TSPAN5: variants seen among roughly 807,000 people sequenced by gnomAD.
TSPAN5 encodes the protein tetraspanin-5.
TSPAN5 carries 10 observed loss-of-function variants against 37.1 expected under a neutral mutation model. That is an observed-to-expected ratio of 0.27 (90% CI 0.17 to 0.46). TSPAN5 has a LOEUF of 0.46. TSPAN5 is among the 20% of genes least tolerant of loss of function. The pLI is 1.00. For missense variants in TSPAN5, 195 were observed against 326.6 expected (o/e 0.60, Z 3.11); for synonymous variants, 110 against 118.9 (o/e 0.93, Z 0.48).
intron 1 of TSPAN5, among the ~76,000 whole-genome samples, chr4:98,548,023 A>G (rs1754510266): frequency 7.3e-6 from 1 of 137,216 alleles, no homozygotes. Flanking sequence ...AAAAAAAAAA[A>G]AAAAGAAAAA....
chr4:98,603,632 A>T (rs1002474852), intron 1 of TSPAN5, among the ~76,000 whole-genome samples: 2 of 152,342 alleles, frequency 1.3e-5, no homozygotes, highest in Non-Finnish European at 1.5e-5. Flanking sequence ...TGGACAGAAC[A>T]GTTGTGGCCT....
At chr4:98,619,312 C>T (rs745397079) in intron 1 of TSPAN5, among the ~76,000 whole-genome samples, 5 of 152,162 alleles carry the variant, frequency 3.3e-5, no homozygotes, top group African/African-American at 4.8e-5. Flanking sequence ...TCTCAGACAT[C>T]TCGTGCAGTA....
At chr4:98,609,548 G>A (rs1756130805) in intron 1 of TSPAN5, among the ~76,000 whole-genome samples, 1 of 152,198 alleles carries the variant, frequency 6.6e-6, no homozygotes, top group South Asian at 2.1e-4. Context: ...CACAAGAGTG[G>A]AGCAGTGAAG....
rs965475412 is a variant in TSPAN5, at chr4:98,551,663, T to G, written c.82-43935A>C. ...GGTACCATCACGCCCAGCTAATTTTTTTTTTTTTTTGTATTTTTAGTAGAG... is the reference window on the plus strand; with the variant it reads ...GGTACCATCACGCCCAGCTAATTTTGTTTTTTTTTTGTATTTTTAGTAGAG... On this transcript the variant is annotated intron_variant, in intron 1 of 7. Transcript: ENST00000305798. 4.3e-3 allele frequency among the ~76,000 whole-genome samples: 644 copies of G among 151,164 alleles called. 5 individuals are homozygous for G. Among genetic ancestry groups the G allele is most frequent in the Middle Eastern group, 0.014 (4 of 294 alleles).
chr4:98,642,453 T>C (rs1756977450), intron 1 of TSPAN5, among the ~76,000 whole-genome samples: 1 of 152,226 alleles, frequency 6.6e-6, no homozygotes, highest in South Asian at 2.1e-4. Flanking sequence ...TATGTGTTAG[T>C]TTCTAAAATG....
chr4:98,479,669 CCCTT>C (rs1224584636), intron 4 of TSPAN5, among the ~76,000 whole-genome samples: 9 of 152,196 alleles, frequency 5.9e-5, no homozygotes, highest in African/African-American at 1.9e-4. Flanking sequence ...AAGGCATACT[CCCTT>C]CTGAGAATTT....
At chr4:98,555,398 GGTTT>G (rs766525200) in intron 1 of TSPAN5, among the ~76,000 whole-genome samples, 1 of 152,092 alleles carries the variant, frequency 6.6e-6, no homozygotes, top group Non-Finnish European at 1.5e-5. Flanking sequence ...CTACCCTAAG[GGTTT>G]GTTTGAGATG....
chr4:98,599,127 G>T (rs1755825221), intron 1 of TSPAN5, among the ~76,000 whole-genome samples: 1 of 152,048 alleles, frequency 6.6e-6, no homozygotes, highest in Non-Finnish European at 1.5e-5. Context: ...AATCTAAAAA[G>T]CCATTTTAAT....
intron 7 of TSPAN5, among the ~76,000 whole-genome samples, chr4:98,475,718 G>A (rs977489757): frequency 1.2e-4 from 18 of 152,244 alleles, no homozygotes; most frequent in African/African-American, 4.1e-4. Flanking sequence ...GGCCAGGCAC[G>A]GTGGATCACT....
chr4:98,513,861 A>AATAG (rs56142906), intron 1 of TSPAN5, among the ~76,000 whole-genome samples: 32,752 of 149,502 alleles, frequency 0.22, 3,488 homozygotes, highest in Admixed American at 0.25. Context: ...ATAAAAAGCA[A>AATAG]ATAGATAGAT....
chr4:98,572,276 G>A (rs1290727336), intron 1 of TSPAN5, among the ~76,000 whole-genome samples: 4 of 152,176 alleles, frequency 2.6e-5, no homozygotes, highest in African/African-American at 4.8e-5. Flanking sequence ...GGGGCAGAGG[G>A]ACATTAAGAC....
intron 1 of TSPAN5, among the ~76,000 whole-genome samples, chr4:98,533,543 C>CTTATTTTTTTTT (rs1754149968): frequency 1.7e-5 from 1 of 58,582 alleles, no homozygotes; most frequent in Non-Finnish European, 2.7e-5. Flanking sequence ...TCCCCTATAT[C>CTTATTTTTTTTT]TTTTTTTTTT....
intron 1 of TSPAN5, among the ~76,000 whole-genome samples, chr4:98,534,973 G>C (rs1754199328): frequency 6.6e-6 from 1 of 152,146 alleles, no homozygotes; most frequent in African/African-American, 2.4e-5. Context: ...GATGGGTCTT[G>C]ACTCTTTATC....
rs1370305275 is a variant in TSPAN5 at position 98,472,168 on chromosome 4, C to T, written c.*354G>A. On this transcript the variant is annotated 3_prime_UTR_variant, in exon 8 of 8. Transcript: ENST00000305798. The stretch of plus-strand genomic sequence containing the variant: ...GTGGTGAAGAGCAAAGCTGCCTCTC[C>T]CAGCCCTCCAATTACGGAAGATGAG... 1 of 180,042 alleles carries T rather than the reference C, an allele frequency of 5.6e-6. No individual in the cohort carries two copies. The highest frequency in any genetic ancestry group is 2.4e-5 in the African/African-American group (1 of 42,312). The allele number at this position is 180,042 out of a possible 1,614,324, so 11.2% of individuals were successfully genotyped here.
chr4:98,525,994 T>C (rs1490926186), intron 1 of TSPAN5, among the ~76,000 whole-genome samples: 1 of 152,190 alleles, frequency 6.6e-6, no homozygotes, highest in Non-Finnish European at 1.5e-5. Flanking sequence ...CATATAAATA[T>C]ACTCACATAT....
chr4:98,533,945 A>AAAAACAAAAAAC (rs1754167205), intron 1 of TSPAN5, among the ~76,000 whole-genome samples: 1 of 141,668 alleles, frequency 7.1e-6, no homozygotes, highest in Non-Finnish European at 1.5e-5. Flanking sequence ...ATCTTAAAAA[A>AAAAACAAAAAAC]AAAAAAAAAA....
In TSPAN5 at chr4:98,497,419, C is replaced by T. The variant is rs149561152; in HGVS notation, c.132+10259G>A. ...AAGGCGGCTGCAAACCGAGGGCCCTCGCCAGGAACTGAATCTGTCACCACC... is the reference window on the plus strand; with the variant it reads ...AAGGCGGCTGCAAACCGAGGGCCCTTGCCAGGAACTGAATCTGTCACCACC... On this transcript the variant is annotated intron_variant, in intron 2 of 7. Transcript: ENST00000305798. 2.1e-3 allele frequency among the ~76,000 whole-genome samples: 326 copies of T among 152,212 alleles called. 1 individual carries two copies. The highest frequency in any genetic ancestry group is 3.9e-3 in the Non-Finnish European group (263 of 68,002).
chr4:98,628,457 G>A, intron 1 of TSPAN5, among the ~76,000 whole-genome samples: 1 of 152,126 alleles, frequency 6.6e-6, no homozygotes, highest in East Asian at 1.9e-4. Context: ...ACACCACACT[G>A]CCTGGTATTG....
chr4:98,487,537 C>A (rs1752999226), intron 2 of TSPAN5, among the ~76,000 whole-genome samples: 1 of 152,074 alleles, frequency 6.6e-6, no homozygotes, highest in Non-Finnish European at 1.5e-5. Context: ...AACACAGCAC[C>A]CGGTCCGGCT....
Sources: gnomAD v4.1 joint callset for allele counts (sites outside exome capture counted in the v4.1 genomes callset) on GRCh38, gnomAD v4.1.1 for gene constraint, MANE v1.5 for transcripts, NCBI Gene and HGNC (gene_info 2026-07-23, HGNC 2026-07-21) for gene names.